Variants in CFAP299 observed in about 807,000 individuals in gnomAD.
CFAP299 encodes cilia and flagella associated protein 299.
A neutral mutation model predicts 27.0 loss-of-function variants in CFAP299; 21 were observed. The observed-to-expected ratio is 0.78, with a 90% CI of 0.55 to 1.12. The LOEUF is 1.12. Ranked by LOEUF, CFAP299 falls within the 50% of genes most tolerant of loss-of-function variation. The probability of loss-of-function intolerance (pLI) is 0.00; values close to 1 mark genes in which losing one functional copy is unlikely to be tolerated. For synonymous variants in CFAP299, 104 were observed against 98.1 expected (o/e 1.06, Z -0.36); for missense variants, 310 against 276.6 (o/e 1.12, Z -0.86).
intron 2 of CFAP299, among the ~76,000 whole-genome samples, chr4:80,402,363 G>C (rs905288974): frequency 2.0e-5 from 3 of 152,112 alleles, no homozygotes; most frequent in African/African-American, 7.2e-5. Flanking sequence ...AGAACCCAGA[G>C]GGGAGGTAAT....
At chr4:80,866,823 G>T (rs183901301) in intron 3 of CFAP299, among the ~76,000 whole-genome samples, 1 of 152,116 alleles carries the variant, frequency 6.6e-6, no homozygotes, top group Non-Finnish European at 1.5e-5. Context: ...GGGAAAAGGG[G>T]ATTTAACTGA....
chr4:80,871,677 T>C, intron 4 of CFAP299: 1 of 968,504 alleles, frequency 1.0e-6, no homozygotes, highest in African/African-American at 1.8e-5. Flanking sequence ...AATTCTATTA[T>C]CTTAGCAGCT....
At chr4:80,710,538 G>T (rs1345331102) in intron 3 of CFAP299, among the ~76,000 whole-genome samples, 1 of 135,990 alleles carries the variant, frequency 7.4e-6, no homozygotes, top group South Asian at 2.3e-4. Context: ...AAGCATTACA[G>T]ATTGATGGCC....
intron 3 of CFAP299, among the ~76,000 whole-genome samples, chr4:80,863,166 T>A (rs1323736788): frequency 6.6e-6 from 1 of 151,806 alleles, no homozygotes; most frequent in Non-Finnish European, 1.5e-5. Context: ...AAAAGGATGT[T>A]TCAGTTTCAG....
chr4:80,727,964 G>C (rs1723253711), intron 3 of CFAP299, among the ~76,000 whole-genome samples: 1 of 151,764 alleles, frequency 6.6e-6, no homozygotes, highest in Admixed American at 6.6e-5. Context: ...TTAAAATTGA[G>C]ATTCAAATTA....
chr4:80,357,781 C>T (rs978897123), intron 1 of CFAP299, among the ~76,000 whole-genome samples: 49 of 152,042 alleles, frequency 3.2e-4, no homozygotes, highest in African/African-American at 1.2e-3. Flanking sequence ...TCAAGAAACC[C>T]AGCTTCTGTA....
Position 80,860,589 on chromosome 4 carries a change from G to A in CFAP299, c.334-9404G>A, listed in dbSNP as rs569185983. Among the ~76,000 whole-genome samples, 10 of 152,262 alleles carry A rather than the reference G, an allele frequency of 6.6e-5. No individual in the cohort carries two copies. In the South Asian group the frequency reaches 2.1e-3, roughly 32 times the overall value. ...GGTGATGTACAGATGGGTTTTTGGT[G>A]TGGATGTGCTTTCTGTTTGTTAGTT... On this transcript the variant is annotated intron_variant, in intron 3 of 5. Coordinates refer to ENST00000358105, the MANE Select transcript of CFAP299 (RefSeq NM_152770.3).
chr4:80,379,293 A>G (rs1578374355), intron 2 of CFAP299, among the ~76,000 whole-genome samples: 2 of 151,748 alleles, frequency 1.3e-5, no homozygotes, highest in East Asian at 3.9e-4. Context: ...TTTATCTCTG[A>G]TATTAGTAGG....
At chr4:80,506,839 T>C (rs1339416476) in intron 2 of CFAP299, among the ~76,000 whole-genome samples, 5 of 152,076 alleles carry the variant, frequency 3.3e-5, no homozygotes, top group African/African-American at 1.2e-4. Context: ...AGTGTTCTAG[T>C]TGTAAGGTTA....
chr4:80,962,327 G>T (rs1738384054), intron 5 of CFAP299, among the ~76,000 whole-genome samples: 1 of 152,024 alleles, frequency 6.6e-6, no homozygotes, highest in African/African-American at 2.4e-5. Context: ...GAACATATCT[G>T]TATAGGGAAT....
At chr4:80,787,563 G>C (rs895860528) in intron 3 of CFAP299, among the ~76,000 whole-genome samples, 2 of 151,864 alleles carry the variant, frequency 1.3e-5, no homozygotes, top group African/African-American at 2.4e-5. Context: ...GCATCCTGAG[G>C]AAGCTCAAGG....
At chr4:80,727,352 T>C (rs1723220332) in intron 3 of CFAP299, among the ~76,000 whole-genome samples, 1 of 152,092 alleles carries the variant, frequency 6.6e-6, no homozygotes, top group African/African-American at 2.4e-5. Context: ...AATACCTTCA[T>C]AAAGTTATTT....
chr4:80,581,451 G>GATATATATATATAT (rs1736159127), intron 2 of CFAP299, among the ~76,000 whole-genome samples: 1 of 15,474 alleles, frequency 6.5e-5, no homozygotes, highest in African/African-American at 2.7e-4. Flanking sequence ...GATATTAAGT[G>GATATATATATATAT]AGATATATAT....
chr4:80,634,566 A>C (rs1739394224), intron 3 of CFAP299, among the ~76,000 whole-genome samples: 1 of 152,172 alleles, frequency 6.6e-6, no homozygotes, highest in African/African-American at 2.4e-5. Context: ...CTATTATTTT[A>C]AACAATTTCC....
chr4:80,691,961 A>G (rs1414951803), intron 3 of CFAP299, among the ~76,000 whole-genome samples: 4 of 152,240 alleles, frequency 2.6e-5, no homozygotes, highest in Admixed American at 6.5e-5. Context: ...CAAAGAGAAT[A>G]AAATACCTAG....
chr4:80,726,294 A>G (rs1288702251), intron 3 of CFAP299, among the ~76,000 whole-genome samples: 1 of 152,150 alleles, frequency 6.6e-6, no homozygotes, highest in Non-Finnish European at 1.5e-5. Flanking sequence ...TACAATTCAT[A>G]TATTAAAGAT....
intron 3 of CFAP299, among the ~76,000 whole-genome samples, chr4:80,735,027 T>C (rs886981174): frequency 2.6e-5 from 4 of 152,212 alleles, no homozygotes; most frequent in African/African-American, 9.6e-5. Context: ...ATTGAATCTG[T>C]AGATTGCTTT....
chr4:80,749,270 AC>A (rs1156767372), intron 3 of CFAP299, among the ~76,000 whole-genome samples: 1 of 152,166 alleles, frequency 6.6e-6, no homozygotes, highest in African/African-American at 2.4e-5. Flanking sequence ...TCTTCATTAT[AC>A]CACCTAATAG....
At chr4:80,559,056 G>A (rs1734916990) in intron 2 of CFAP299, among the ~76,000 whole-genome samples, 1 of 152,158 alleles carries the variant, frequency 6.6e-6, no homozygotes, top group Admixed American at 6.6e-5. Context: ...TGCAGGTCTT[G>A]GCTGGGGTAG....
Sources: allele counts gnomAD v4.1 joint callset (sites outside exome capture counted in the v4.1 genomes callset), GRCh38; gene constraint gnomAD v4.1.1; transcripts MANE v1.5; gene names NCBI Gene and HGNC (gene_info 2026-07-23, HGNC 2026-07-21).